Variants in DAPK1 observed in about 807,000 individuals in gnomAD.
DAPK1 encodes death-associated protein kinase 1.
A neutral mutation model predicts 144.9 loss-of-function variants in DAPK1; 56 were observed. That is an observed-to-expected ratio of 0.39 (90% CI 0.31 to 0.48). The LOEUF is 0.48. Ranked by LOEUF, DAPK1 falls within the 20% of genes least tolerant of loss-of-function variation. DAPK1 has a pLI of 0.95. For missense variants in DAPK1, 1,454 were observed against 1,875.4 expected, an observed-to-expected ratio of 0.78 and a Z score of 4.15; for synonymous variants, 690 against 749.0, an observed-to-expected ratio of 0.92 and a Z score of 1.29.
intron 2 of DAPK1, among the ~76,000 whole-genome samples, chr9:87,540,383 G>A (rs1052281302): frequency 9.2e-5 from 14 of 151,964 alleles, no homozygotes; most frequent in East Asian, 1.9e-4. Context: ...TAGAGATGCC[G>A]TTTTGCCATG....
intron 21 of DAPK1, among the ~76,000 whole-genome samples, chr9:87,691,019 A>G (rs974644516): frequency 9.9e-5 from 15 of 151,898 alleles, no homozygotes; most frequent in African/African-American, 2.7e-4. Flanking sequence ...TGGTTTTGTT[A>G]TCATGGCAAT....
chr9:87,624,742 A>G (rs1829430560), intron 3 of DAPK1, among the ~76,000 whole-genome samples: 2 of 152,208 alleles, frequency 1.3e-5, no homozygotes, highest in South Asian at 2.1e-4. Context: ...TTTGCCATCA[A>G]CTGTACCTGT....
intron 2 of DAPK1, among the ~76,000 whole-genome samples, chr9:87,604,420 A>G (rs1303190067): frequency 6.6e-6 from 1 of 152,214 alleles, no homozygotes; most frequent in Non-Finnish European, 1.5e-5. Context: ...TGACCAACAA[A>G]TATTTGGTAC....
At position 87,499,075 on chromosome 9, in the gene DAPK1, A is replaced by G; in HGVS notation, c.-3A>G. 2.5e-6 allele frequency: 4 copies of G among 1,614,004 alleles called. No homozygotes were observed. The highest frequency in any genetic ancestry group is 3.4e-6 in the Non-Finnish European group (4 of 1,179,954). On this transcript the variant is annotated 5_prime_UTR_variant, in exon 2 of 26. Coordinates refer to ENST00000408954, the MANE Select transcript of DAPK1 (RefSeq NM_004938.4). ...GGGCTTTGGTGAGGCGTGACAGTTT[A>G]TCATGACCGTGTTCAGGCAGGAAAA... is the stretch of plus-strand genomic sequence containing the variant.
At chr9:87,508,412 G>C (rs980839753) in intron 2 of DAPK1, among the ~76,000 whole-genome samples, 12 of 147,862 alleles carry the variant, frequency 8.1e-5, no homozygotes, top group Admixed American at 5.5e-4. Flanking sequence ...GCGCGATTTC[G>C]GCTCACTGCA....
rs1825688920 is a variant in DAPK1 at position 87,707,593 on chromosome 9, C to T, written c.*229C>T. 2 of 567,234 alleles carry T rather than the reference C, an allele frequency of 3.5e-6. No homozygotes were observed. Among genetic ancestry groups the T allele is most frequent in the Non-Finnish European group, 3.1e-6 (1 of 319,244 alleles). The allele number at this position is 567,234 out of a possible 1,614,324, so 35.1% of individuals were successfully genotyped here. On this transcript the variant is annotated 3_prime_UTR_variant, in exon 26 of 26. Transcript: ENST00000408954. This position sits in a 1 kb window ranked among gnomAD's most constrained non-coding sequence, Gnocchi z 4.0. Reference sequence around the variant, plus strand: ...GTTTAAGAGCAGAACAGATCTTTTACTTTGGCCGCTTGAAAAGCTAGTGTA... The same window carrying T: ...GTTTAAGAGCAGAACAGATCTTTTATTTTGGCCGCTTGAAAAGCTAGTGTA...
intron 2 of DAPK1, among the ~76,000 whole-genome samples, chr9:87,595,196 T>C (rs1223438433): frequency 1.3e-5 from 2 of 152,220 alleles, no homozygotes; most frequent in South Asian, 2.1e-4. Context: ...AAAGGTTTTG[T>C]GGTTAACAGC....
chr9:87,579,749 A>C (rs1257966290), intron 2 of DAPK1, among the ~76,000 whole-genome samples: 4 of 152,166 alleles, frequency 2.6e-5, no homozygotes, highest in African/African-American at 9.7e-5. Context: ...TGCAGGAATG[A>C]ATGATCACCT....
In DAPK1 at chr9:87,527,754, A is replaced by C. The variant is rs544809447; in HGVS notation, c.62+28615A>C. 2.0e-5 allele frequency among the ~76,000 whole-genome samples: 3 copies of C among 152,328 alleles called. No homozygotes were observed. The South Asian group carries it at 6.2e-4, about 32-fold the overall frequency. On this transcript the variant is annotated intron_variant, in intron 2 of 25. Coordinates refer to ENST00000408954, the MANE Select transcript of DAPK1 (RefSeq NM_004938.4). ...TTTCTGAACTGTTACTGGCCGGATT[A>C]TTGGGACTATTCCCAGGTGTTTATT... is the stretch of plus-strand genomic sequence containing the variant.
At chr9:87,497,302 G>C (rs1824201586), upstream of DAPK1, 1 of 152,192 alleles carries the variant, frequency 6.6e-6, no homozygotes, top group East Asian at 1.9e-4. Flanking sequence ...AGTCTAATGA[G>C]GTACGCTCCC....
chr9:87,632,130 A>G (rs1282874954), intron 3 of DAPK1: 2 of 699,294 alleles, frequency 2.9e-6, no homozygotes, highest in African/African-American at 3.8e-5. Flanking sequence ...GTGTATATAT[A>G]TATAAAATAC....
chr9:87,699,408 C>T (rs956108302), intron 23 of DAPK1, among the ~76,000 whole-genome samples: 9 of 151,974 alleles, frequency 5.9e-5, no homozygotes, highest in Admixed American at 2.0e-4. Context: ...AAGTCGTGGC[C>T]AATTCTTTTT....
intron 2 of DAPK1, among the ~76,000 whole-genome samples, chr9:87,599,223 C>T (rs570036567): frequency 1.3e-5 from 2 of 152,332 alleles, no homozygotes; most frequent in East Asian, 3.9e-4. Flanking sequence ...GCAACTTACT[C>T]GCTCAGTGAT....
chr9:87,549,430 A>C lies in DAPK1; in HGVS notation c.62+50291A>C, dbSNP rs10868624. Among the ~76,000 whole-genome samples, 3 of 152,044 alleles carry C rather than the reference A, an allele frequency of 2.0e-5. No homozygotes were observed. The South Asian group carries it at 6.2e-4, about 32-fold the overall frequency. On this transcript the variant is annotated intron_variant, in intron 2 of 25. Transcript: ENST00000408954. ...ATACGTGTATCTTTATAATAGAACA[A>C]TTTGTATGGGGGGGTTATATAGTAA...
At chr9:87,630,537 G>A (rs567844858) in intron 3 of DAPK1, among the ~76,000 whole-genome samples, 9 of 152,308 alleles carry the variant, frequency 5.9e-5, no homozygotes, top group Admixed American at 5.2e-4. Context: ...TGGCCAAAGA[G>A]AGAGATGAGA....
At chr9:87,516,789 C>G (rs1030886002) in intron 2 of DAPK1, among the ~76,000 whole-genome samples, 1 of 151,926 alleles carries the variant, frequency 6.6e-6, no homozygotes, top group Non-Finnish European at 1.5e-5. Context: ...GTGCTAGGTT[C>G]GGTGGATTGG....
At chr9:87,522,915 CTT>C (rs139740091) in intron 2 of DAPK1, among the ~76,000 whole-genome samples, 2,581 of 152,270 alleles carry the variant, frequency 0.017, 35 homozygotes, top group East Asian at 0.021. Context: ...TATTCATACT[CTT>C]TGCCCATTTT....
chr9:87,545,944 G>C (rs1348109440), intron 2 of DAPK1, among the ~76,000 whole-genome samples: 12 of 152,122 alleles, frequency 7.9e-5, no homozygotes, highest in African/African-American at 2.9e-4. Context: ...AGACCATTTT[G>C]TTGCATCCTC....
At chr9:87,591,256 GA>G (rs1174376898) in intron 2 of DAPK1, among the ~76,000 whole-genome samples, 2 of 152,190 alleles carry the variant, frequency 1.3e-5, no homozygotes, top group Non-Finnish European at 2.9e-5. Flanking sequence ...TTAGGCTTCT[GA>G]AAGCATGTAG....
Sources: gnomAD v4.1 joint callset for allele counts (sites outside exome capture counted in the v4.1 genomes callset) on GRCh38, gnomAD v4.1.1 for gene constraint, Gnocchi (gnomAD v3.1) non-coding constraint, MANE v1.5 for transcripts, NCBI Gene and HGNC (gene_info 2026-07-23, HGNC 2026-07-21) for gene names.